Variants in PCDHGB2 observed in about 807,000 individuals in gnomAD.
PCDHGB2 encodes protocadherin gamma subfamily B, 2, also known as protocadherin gamma-B2.
Under a neutral mutation model 59.3 loss-of-function variants are expected in PCDHGB2, and 55 were observed. The ratio of observed to expected loss-of-function variants is 0.93; its 90% confidence interval spans 0.75 to 1.16. The LOEUF is 1.16. Ranked by LOEUF, PCDHGB2 falls within the 50% of genes most tolerant of loss-of-function variation. PCDHGB2 has a pLI of 0.00. For synonymous variants in PCDHGB2, 516 were observed against 512.0 expected (o/e 1.01, Z -0.11); for missense variants, 1,228 against 1,198.5 (o/e 1.02, Z -0.36).
intron 1 of PCDHGB2, chr5:141,423,278 A>C: frequency 1.2e-6 from 2 of 1,613,940 alleles, no homozygotes; most frequent in Non-Finnish European, 1.7e-6. Flanking sequence ...TCTCTGGCTA[A>C]CTCTGAAACC....
chr5:141,399,059 A>T (rs769553635), intron 1 of PCDHGB2: 8 of 1,613,882 alleles, frequency 5.0e-6, no homozygotes, highest in Non-Finnish European at 6.8e-6. Context: ...ACCAAGGAAT[A>T]TTCAATGGTT....
At chr5:141,375,095 T>G in intron 1 of PCDHGB2, 1 of 1,613,960 alleles carries the variant, frequency 6.2e-7, no homozygotes. Flanking sequence ...AATAACTATC[T>G]TGGATGTCAA....
At chr5:141,445,558 G>A (rs1172697298) in intron 1 of PCDHGB2, among the ~76,000 whole-genome samples, 1 of 152,172 alleles carries the variant, frequency 6.6e-6, no homozygotes, top group Non-Finnish European at 1.5e-5. Flanking sequence ...AAAGCACTAA[G>A]AGAAAGCTTA....
chr5:141,418,864 A>T, intron 1 of PCDHGB2: 1 of 1,614,046 alleles, frequency 6.2e-7, no homozygotes, highest in Non-Finnish European at 8.5e-7. Context: ...AAGTAATTGT[A>T]GAAGTTGTAG....
chr5:141,408,777 C>T (rs1019825842), intron 1 of PCDHGB2: 22 of 1,611,714 alleles, frequency 1.4e-5, no homozygotes, highest in Non-Finnish European at 1.8e-5. Context: ...GGCAAATACC[C>T]AGAGTTATCT....
At chr5:141,405,582 C>T in intron 1 of PCDHGB2, 3 of 589,180 alleles carry the variant, frequency 5.1e-6, no homozygotes, top group African/African-American at 1.9e-5. Context: ...GTAGCTGGGA[C>T]TACAGGCCTC....
intron 1 of PCDHGB2, among the ~76,000 whole-genome samples, chr5:141,368,915 A>G (rs1765921156): frequency 6.6e-6 from 1 of 152,228 alleles, no homozygotes; most frequent in Non-Finnish European, 1.5e-5. Context: ...TAAAGGTGAC[A>G]ATGAGTGTCT....
At chr5:141,374,238 T>C (rs1770300892) in intron 1 of PCDHGB2, 2 of 1,614,016 alleles carry the variant, frequency 1.2e-6, no homozygotes, top group African/African-American at 1.3e-5. Context: ...GTCAAGGATC[T>C]GGGACTGGAG....
chr5:141,431,505 C>T lies in PCDHGB2; in HGVS notation c.2422-63302C>T. 1.2e-6 allele frequency: 2 copies of T among 1,614,018 alleles called. No individual in the cohort carries two copies. The highest frequency in any genetic ancestry group is 1.7e-6 in the Non-Finnish European group (2 of 1,180,028). On this transcript the variant is annotated intron_variant, in intron 1 of 3. Coordinates refer to ENST00000522605, the MANE Select transcript of PCDHGB2 (RefSeq NM_018923.3). This position sits in a 1 kb window ranked among gnomAD's most constrained non-coding sequence, Gnocchi z 4.8. ...GCGTTTGCTCAGCCCGAGTACCGCG[C>T]GAGCGTTCCGGAGAATCTGGCCTTG...
intron 1 of PCDHGB2, among the ~76,000 whole-genome samples, chr5:141,458,695 G>A (rs551105765): frequency 2.0e-5 from 3 of 151,852 alleles, no homozygotes; most frequent in Non-Finnish European, 2.9e-5. Context: ...TCAGCCTCCC[G>A]AGTAGCTGGG....
At chr5:141,416,210 A>G (rs1264276644) in intron 1 of PCDHGB2, 2 of 152,420 alleles carry the variant, frequency 1.3e-5, no homozygotes, top group African/African-American at 4.8e-5. Flanking sequence ...TATTTATAAC[A>G]ATGTATGCTT....
At position 141,511,420 on chromosome 5, in the gene PCDHGB2, G is replaced by A; in HGVS notation, c.*247G>A. On this transcript the variant is annotated 3_prime_UTR_variant, in exon 4 of 4. Coordinates refer to ENST00000522605, the MANE Select transcript of PCDHGB2 (RefSeq NM_018923.3). ...TCCAATCAACTGCTGTACCCATGGG[G>A]GTAGTGGGGTTACTGTAGACACCAA... 2.4e-6 allele frequency: 2 copies of A among 830,862 alleles called. No individual in the cohort carries two copies. Among genetic ancestry groups the A allele is most frequent in the Non-Finnish European group, 1.8e-6 (1 of 557,336 alleles). The allele number at this position is 830,862 out of a possible 1,614,324, so 51.5% of individuals were successfully genotyped here.
At chr5:141,408,078 C>G in intron 1 of PCDHGB2, 1 of 1,407,992 alleles carries the variant, frequency 7.1e-7, no homozygotes, top group Non-Finnish European at 9.4e-7. Context: ...CCTTTCCCAG[C>G]ACAGCGGATT....
chr5:141,410,489 G>A, intron 1 of PCDHGB2: 3 of 1,613,972 alleles, frequency 1.9e-6, no homozygotes, highest in Non-Finnish European at 1.7e-6. Context: ...GGGTACAAAA[G>A]AGTTTAATTT....
intron 2 of PCDHGB2, among the ~76,000 whole-genome samples, chr5:141,496,411 CT>C (rs1266082660): frequency 6.6e-6 from 1 of 152,190 alleles, no homozygotes; most frequent in African/African-American, 2.4e-5. Context: ...TGGTTGAGTA[CT>C]TGCTGTCCAC....
At chr5:141,405,442 CAG>C in intron 1 of PCDHGB2, 1 of 1,378,150 alleles carries the variant, frequency 7.3e-7, no homozygotes, top group South Asian at 1.3e-5. Context: ...GTTTTTGAGA[CAG>C]AGTCTTACTC....
intron 1 of PCDHGB2, chr5:141,385,646 C>A: frequency 1.4e-6 from 1 of 737,590 alleles, no homozygotes; most frequent in Non-Finnish European, 1.7e-6. Flanking sequence ...TTTCATATTG[C>A]ACAAGGTTAG....
intron 1 of PCDHGB2, chr5:141,392,622 A>C: frequency 3.6e-6 from 2 of 558,650 alleles, no homozygotes; most frequent in Non-Finnish European, 6.1e-6. Flanking sequence ...AACCGAAAAC[A>C]CTCAGATCTC....
intron 1 of PCDHGB2, among the ~76,000 whole-genome samples, chr5:141,467,955 G>A (rs1049980375): frequency 2.0e-5 from 3 of 151,666 alleles, no homozygotes; most frequent in Non-Finnish European, 2.9e-5. Context: ...CACCACACCC[G>A]GCTGCCAGAA....
Sources: gnomAD v4.1 joint callset for allele counts (sites outside exome capture counted in the v4.1 genomes callset) on GRCh38, gnomAD v4.1.1 for gene constraint, Gnocchi (gnomAD v3.1) non-coding constraint, MANE v1.5 for transcripts, NCBI Gene and HGNC (gene_info 2026-07-23, HGNC 2026-07-21) for gene names.